SLC12A2: variants seen among roughly 807,000 people sequenced by gnomAD.
SLC12A2 encodes Na-K-2Cl cotransporter 1.
SLC12A2 carries 67 observed loss-of-function variants against 136.3 expected under a neutral mutation model. The ratio of observed to expected loss-of-function variants is 0.49; its 90% CI spans 0.40 to 0.60. The LOEUF is 0.60. Among genes scored for constraint, SLC12A2 ranks in the 20% least tolerant of loss-of-function variants. The probability of loss-of-function intolerance (pLI) is 0.00; values close to 1 mark genes in which losing one functional copy is unlikely to be tolerated. For synonymous variants in SLC12A2, 619 were observed against 562.9 expected (o/e 1.10, Z -1.41); for missense variants, 1,322 against 1,534.7 (o/e 0.86, Z 2.32).
intron 23 of SLC12A2, among the ~76,000 whole-genome samples, chr5:128,182,534 G>A (rs1365961831): frequency 6.6e-6 from 1 of 152,030 alleles, no homozygotes; most frequent in Non-Finnish European, 1.5e-5. Context: ...TGAAATTTAT[G>A]TACTTATCAA....
intron 4 of SLC12A2, among the ~76,000 whole-genome samples, chr5:128,124,543 CAGAA>C (rs1223644839): frequency 6.6e-6 from 1 of 152,092 alleles, no homozygotes; most frequent in South Asian, 2.1e-4. Flanking sequence ...GGCTACAACA[CAGAA>C]AGAGCCAAAT....
In SLC12A2 at chr5:128,134,269, A is replaced by G. The variant is rs754661575; in HGVS notation, c.1293A>G (p.Glu431=). 21 of 1,519,316 alleles carry G rather than the reference A, an allele frequency of 1.4e-5. No individual in the cohort carries two copies. Among genetic ancestry groups the G allele is most frequent in the Non-Finnish European group, 1.7e-5 (19 of 1,094,426 alleles). 94.1% of individuals were successfully genotyped at this position (1,519,316 alleles called of 1,614,324 possible). The part of the protein sequence containing the change: ...LGISVAGMEW[E]AKAQIVLLVI... ...TCTCAGTAGCTGGAATGGAGTGGGA[A>G]GCAAAAGTAAGTTATGATAGGAACA... is the stretch of plus-strand genomic sequence containing the variant. The change falls in exon 6 of 27, where the codon GAA becomes GAG. Residue 431 remains glutamate (E), a synonymous_variant. Transcript: ENST00000262461.
chr5:128,093,951 A>C (rs888091399), intron 1 of SLC12A2, among the ~76,000 whole-genome samples: 6 of 152,004 alleles, frequency 3.9e-5, no homozygotes, highest in Admixed American at 6.6e-5. Flanking sequence ...TTCTTTGGTC[A>C]CGTGGCCTTT....
At chr5:128,088,005 C>CTGTGTGTGTGTGTGTGTG (rs1561648714) in intron 1 of SLC12A2, among the ~76,000 whole-genome samples, 1 of 44,138 alleles carries the variant, frequency 2.3e-5, no homozygotes, top group Non-Finnish European at 5.1e-5. Flanking sequence ...GTGGAGGAGG[C>CTGTGTGTGTGTGTGTGTG]TCTGTGTGTG....
At chr5:128,123,113 T>C (rs573850390) in intron 4 of SLC12A2, among the ~76,000 whole-genome samples, 6 of 152,128 alleles carry the variant, frequency 3.9e-5, no homozygotes, top group Non-Finnish European at 5.9e-5. Context: ...TATTAATACT[T>C]CAGCTTGGTT....
At chr5:128,167,660 T>A in intron 17 of SLC12A2, 101 bp from the exon 18 acceptor site, 1 of 684,490 alleles carries the variant, frequency 1.5e-6, no homozygotes, top group East Asian at 3.1e-5. Flanking sequence ...TTGTTAAGAG[T>A]GTCTATAGAA....
chr5:128,120,103 A>C (rs960419436), intron 4 of SLC12A2, among the ~76,000 whole-genome samples: 2 of 152,170 alleles, frequency 1.3e-5, no homozygotes, highest in African/African-American at 4.8e-5. Context: ...AAGACACATG[A>C]AAAAATGCTC....
Position 128,084,375 on chromosome 5 carries a change from G to A in SLC12A2, c.421G>A (p.Val141Met), listed in dbSNP as rs775148969. 1 of 1,605,772 alleles carries A rather than the reference G, an allele frequency of 6.2e-7. No individual in the cohort carries two copies. Among genetic ancestry groups the A allele is most frequent in the Non-Finnish European group, 8.5e-7 (1 of 1,177,750 alleles). ...CGAGGAAGCCAAGGGCCGCTTCCGC[G>A]TGAACTTCGTGGACCCAGCTGCCTC... Reference protein sequence around the residue: ...GSEEAKGRFRVNFVDPAASSS... With the variant: ...GSEEAKGRFRMNFVDPAASSS... Residue 141 changes from valine (V) to methionine (M), a missense_variant, in exon 1 of 27, where the codon GTG (valine) becomes ATG (methionine). This residue lies in a region of SLC12A2 where 358 missense variants were observed against 299.7 expected (regional missense o/e 1.19). Coordinates refer to ENST00000262461, the MANE Select transcript of SLC12A2 (RefSeq NM_001046.3). This position sits in a 1 kb window ranked among gnomAD's most constrained non-coding sequence, Gnocchi z 5.6.
chr5:128,116,798 G>A (rs1218656268), intron 4 of SLC12A2, among the ~76,000 whole-genome samples: 2 of 152,130 alleles, frequency 1.3e-5, no homozygotes, highest in Non-Finnish European at 2.9e-5. Flanking sequence ...TGTATGAGCT[G>A]CATCATCTGC....
intron 11 of SLC12A2, 83 bp from the exon 12 acceptor site, chr5:128,148,671 A>C (rs1429334153): frequency 8.6e-7 from 1 of 1,158,388 alleles, no homozygotes; most frequent in African/African-American, 1.6e-5. Context: ...CTTGAATCTC[A>C]TTCCTGATTA....
intron 5 of SLC12A2, among the ~76,000 whole-genome samples, chr5:128,133,370 A>T (rs993188127): frequency 2.0e-5 from 3 of 152,030 alleles, no homozygotes; most frequent in Non-Finnish European, 2.9e-5. Flanking sequence ...AAGGTCATTT[A>T]TCTGGAATTC....
chr5:128,086,553 A>G (rs996947880), intron 1 of SLC12A2, among the ~76,000 whole-genome samples: 1 of 152,172 alleles, frequency 6.6e-6, no homozygotes, highest in African/African-American at 2.4e-5. Flanking sequence ...AGATTCTGTT[A>G]ATTCTTACGT....
At chr5:128,161,568 G>T (rs1763037751) in intron 16 of SLC12A2, 92 bp from the exon 17 acceptor site, 25 of 758,322 alleles carry the variant, frequency 3.3e-5, no homozygotes, top group Non-Finnish European at 4.4e-5. Context: ...TTAGTCACCT[G>T]TTTCAAGCCA....
intron 9 of SLC12A2, among the ~76,000 whole-genome samples, chr5:128,141,300 ACCATGTG>A (rs1762356416): frequency 6.6e-6 from 1 of 152,204 alleles, no homozygotes. Context: ...AATCTTAGAT[ACCATGTG>A]TTTTCTTCTT....
intron 1 of SLC12A2, among the ~76,000 whole-genome samples, chr5:128,104,023 C>A (rs1000190889): frequency 6.6e-6 from 1 of 152,074 alleles, no homozygotes; most frequent in South Asian, 2.1e-4. Flanking sequence ...TATGACAGAT[C>A]GAAAGAATTC....
chr5:128,181,282 A>G (rs2126758206), intron 23 of SLC12A2, among the ~76,000 whole-genome samples: 1 of 152,308 alleles, frequency 6.6e-6, no homozygotes, highest in South Asian at 2.1e-4. Flanking sequence ...TCTTTTAATC[A>G]GGGAGAAAAT....
intron 1 of SLC12A2, among the ~76,000 whole-genome samples, chr5:128,088,152 T>A (rs1007037774): frequency 6.6e-6 from 1 of 151,908 alleles, no homozygotes; most frequent in Non-Finnish European, 1.5e-5. Context: ...GAAAATAGGG[T>A]CTGGCATTGG....
chr5:128,110,318 A>C (rs1445571291), intron 1 of SLC12A2: 1 of 881,772 alleles, frequency 1.1e-6, no homozygotes, highest in Admixed American at 1.7e-5. Context: ...TGACTGTTTT[A>C]GAAACCATGG....
At chr5:128,085,458 C>T (rs1476494362) in intron 1 of SLC12A2, among the ~76,000 whole-genome samples, 1 of 152,172 alleles carries the variant, frequency 6.6e-6, no homozygotes, top group Non-Finnish European at 1.5e-5. Flanking sequence ...TAAGCAGTTA[C>T]ACTTTGTAAA....
Sources: gnomAD v4.1 joint callset for allele counts (sites outside exome capture counted in the v4.1 genomes callset) on GRCh38, gnomAD v4.1.1 for gene constraint, gnomAD v4.1.1 regional missense constraint, Gnocchi (gnomAD v3.1) non-coding constraint, MANE v1.5 for transcripts, NCBI Gene and HGNC (gene_info 2026-07-23, HGNC 2026-07-21) for gene names.